The following DLGAP1 variants were observed in gnomAD, a reference collection of about 807,000 sequenced individuals.
DLGAP1 encodes disks large-associated protein 1.
Under a neutral mutation model 90.8 loss-of-function variants are expected in DLGAP1, and 11 were observed. The observed-to-expected ratio is 0.12, with a 90% confidence interval of 0.08 to 0.20. DLGAP1 has a LOEUF of 0.20. Among genes scored for constraint, DLGAP1 ranks in the 10% least tolerant of loss-of-function variants. The pLI is 1.00. For missense variants in DLGAP1, 1,050 were observed against 1,333.8 expected, an observed-to-expected ratio of 0.79 and a Z score of 3.31; for synonymous variants, 558 against 540.7, an observed-to-expected ratio of 1.03 and a Z score of -0.44.
intron 1 of DLGAP1, among the ~76,000 whole-genome samples, chr18:4,280,564 C>T (rs1027866394): frequency 6.6e-6 from 1 of 152,156 alleles, no homozygotes; most frequent in African/African-American, 2.4e-5. Flanking sequence ...TCCCACAGTT[C>T]CACACTGTCC....
At position 3,616,684 on chromosome 18, in the gene DLGAP1, G is replaced by A. The variant is rs138592426; in HGVS notation, c.1592-34436C>T. On this transcript the variant is annotated intron_variant, in intron 7 of 12. Coordinates refer to ENST00000315677, the MANE Select transcript of DLGAP1 (RefSeq NM_004746.4). ...GTTGGAGGATCACTTGAGCCCAGAA[G>A]GTCGAGGCTGCAGTGAGCCGTGATT... 4.3e-3 allele frequency among the ~76,000 whole-genome samples: 655 copies of A among 152,168 alleles called. 6 individuals are homozygous for A. The highest frequency in any genetic ancestry group is 0.015 in the African/African-American group (612 of 41,504).
intron 7 of DLGAP1, among the ~76,000 whole-genome samples, chr18:3,713,056 G>C (rs1232629093): frequency 6.6e-6 from 1 of 152,160 alleles, no homozygotes; most frequent in African/African-American, 2.4e-5. Context: ...ATCAAACCCT[G>C]CCTTGGTGCA....
chr18:3,588,340 C>T (rs973294215), intron 7 of DLGAP1, among the ~76,000 whole-genome samples: 1 of 152,004 alleles, frequency 6.6e-6, no homozygotes, highest in East Asian at 1.9e-4. Context: ...ATGCATCTAA[C>T]CCCAGCTACT....
rs186244264 is a variant in DLGAP1 at position 4,330,941 on chromosome 18, T to C, written c.-267+124065A>G. 9.8e-3 allele frequency among the ~76,000 whole-genome samples: 1,487 copies of C among 151,746 alleles called. 12 individuals carry two copies. The highest frequency in any genetic ancestry group is 0.015 in the Non-Finnish European group (1,021 of 67,950). On this transcript the variant is annotated intron_variant, in intron 1 of 12. Coordinates refer to ENST00000315677, the MANE Select transcript of DLGAP1 (RefSeq NM_004746.4). ...AGTTACTGGGAGCAGAGTGTTGAAA[T>C]ATCTAACTGTAGTTGTGGACTTGTC... is the stretch of plus-strand genomic sequence containing the variant.
At chr18:4,320,771 A>C (rs2080666235) in intron 1 of DLGAP1, among the ~76,000 whole-genome samples, 1 of 151,560 alleles carries the variant, frequency 6.6e-6, no homozygotes. Flanking sequence ...CACAATACCA[A>C]TGCAAAAAGA....
intron 10 of DLGAP1, among the ~76,000 whole-genome samples, chr18:3,513,619 T>G (rs1326319500): frequency 1.3e-5 from 2 of 152,210 alleles, no homozygotes; most frequent in Non-Finnish European, 2.9e-5. Context: ...GCAAGGCAAT[T>G]TCAATCCTGA....
chr18:3,639,320 C>T (rs1236477365), intron 7 of DLGAP1, among the ~76,000 whole-genome samples: 1 of 149,350 alleles, frequency 6.7e-6, no homozygotes, highest in Non-Finnish European at 1.5e-5. Context: ...CATGCCACTG[C>T]ACTCCAGCCT....
chr18:4,247,637 C>T (rs573712192), intron 1 of DLGAP1, among the ~76,000 whole-genome samples: 18 of 152,072 alleles, frequency 1.2e-4, no homozygotes, highest in Admixed American at 2.6e-4. Context: ...ATTAGCCAGG[C>T]GTGGTGGCAG....
intron 10 of DLGAP1, among the ~76,000 whole-genome samples, chr18:3,512,894 T>C (rs1395236715): frequency 1.3e-5 from 2 of 152,230 alleles, no homozygotes; most frequent in African/African-American, 4.8e-5. Flanking sequence ...TAACATGAAA[T>C]CTACCCTCTT....
chr18:4,436,446 C>A (rs1200210635), intron 1 of DLGAP1, among the ~76,000 whole-genome samples: 1 of 151,966 alleles, frequency 6.6e-6, no homozygotes, highest in Non-Finnish European at 1.5e-5. Context: ...ACATTTCTAA[C>A]AAATTCCCAG....
chr18:3,859,378 G>A (rs2069881866), intron 4 of DLGAP1, among the ~76,000 whole-genome samples: 1 of 152,164 alleles, frequency 6.6e-6, no homozygotes, highest in Admixed American at 6.5e-5. Context: ...TTATGTTTTA[G>A]ATAGTAGATT....
At chr18:4,418,336 C>T (rs2082950634) in intron 1 of DLGAP1, among the ~76,000 whole-genome samples, 1 of 152,086 alleles carries the variant, frequency 6.6e-6, no homozygotes, top group African/African-American at 2.4e-5. Flanking sequence ...ACAGAAACCA[C>T]CAACACACTC....
At chr18:3,890,978 C>T (rs1213081470) in intron 3 of DLGAP1, among the ~76,000 whole-genome samples, 2 of 152,168 alleles carry the variant, frequency 1.3e-5, no homozygotes, top group Non-Finnish European at 2.9e-5. Flanking sequence ...AGCATGAAGT[C>T]AAATCAAATC....
At chr18:4,221,307 C>CT (rs35104308) in intron 1 of DLGAP1, among the ~76,000 whole-genome samples, 6 of 152,056 alleles carry the variant, frequency 3.9e-5, no homozygotes, top group Admixed American at 6.6e-5. Flanking sequence ...ATTCTCTCAA[C>CT]TTATATGGCT....
intron 1 of DLGAP1, among the ~76,000 whole-genome samples, chr18:4,216,024 C>T (rs2077946787): frequency 6.6e-6 from 1 of 152,124 alleles, no homozygotes; most frequent in African/African-American, 2.4e-5. Flanking sequence ...TTAGTCCATT[C>T]TCACGCTGCT....
At chr18:3,708,807 C>T (rs1169074391) in intron 7 of DLGAP1, among the ~76,000 whole-genome samples, 1 of 152,202 alleles carries the variant, frequency 6.6e-6, no homozygotes, top group Admixed American at 6.5e-5. Context: ...AGAGACTCCT[C>T]ATTGTGACTC....
chr18:4,408,864 T>C (rs1204357765), intron 1 of DLGAP1, among the ~76,000 whole-genome samples: 1 of 152,046 alleles, frequency 6.6e-6, no homozygotes, highest in Non-Finnish European at 1.5e-5. Flanking sequence ...AATAAGAATA[T>C]TTCTGGGGTT....
chr18:4,293,153 C>G (rs1017581485), intron 1 of DLGAP1: 5 of 152,210 alleles, frequency 3.3e-5, no homozygotes, highest in Admixed American at 2.0e-4. Flanking sequence ...TCTACCTTCT[C>G]TCATAGAGCA....
intron 3 of DLGAP1, among the ~76,000 whole-genome samples, chr18:3,950,656 G>T (rs2072967743): frequency 6.6e-6 from 1 of 152,230 alleles, no homozygotes; most frequent in African/African-American, 2.4e-5. Flanking sequence ...TCAAGCTTCA[G>T]AAGTGGTGAT....
Sources: gnomAD v4.1 joint callset for allele counts (sites outside exome capture counted in the v4.1 genomes callset) on GRCh38, gnomAD v4.1.1 for gene constraint, MANE v1.5 for transcripts, NCBI Gene and HGNC (gene_info 2026-07-23, HGNC 2026-07-21) for gene names.